LSR: variants seen among roughly 807,000 people sequenced by gnomAD.
The protein encoded by LSR is lipolysis stimulated lipoprotein receptor.
LSR carries 44 observed loss-of-function variants against 61.8 expected under a neutral mutation model. The observed-to-expected ratio is 0.71, with a 90% CI of 0.56 to 0.91. LSR has a LOEUF of 0.91. LSR is among the 40% of genes least tolerant of loss of function. The pLI is 0.00. For synonymous variants in LSR, 397 were observed against 350.6 expected (o/e 1.13, Z -1.48); for missense variants, 911 against 830.5 (o/e 1.10, Z -1.19).
chr19:35,250,542 A>G lies in LSR; in HGVS notation c.337A>G (p.Asn113Asp). 1 of 1,614,110 alleles carries G rather than the reference A, an allele frequency of 6.2e-7. No individual in the cohort carries two copies. Among genetic ancestry groups the G allele is most frequent in the Non-Finnish European group, 8.5e-7 (1 of 1,180,012 alleles). Residue 113 changes from asparagine to aspartate, a missense_variant, in exon 2 of 10, where the codon AAC becomes GAC. Transcript: ENST00000605618. ...GCTGGCAGCCGGGAACCCAGGCTAC[A>G]ACCCCTACGTTGAGTGCCAGGACAG... ...AQLAAGNPGY[N>D]PYVECQDSVR...
chr19:35,267,813 C>T lies in LSR; in HGVS notation c.1771-11C>T. 1 of 1,614,080 alleles carries T rather than the reference C, an allele frequency of 6.2e-7. No individual in the cohort carries two copies. Among genetic ancestry groups the T allele is most frequent in the Non-Finnish European group, 8.5e-7 (1 of 1,179,960 alleles). ...CCGCGGCTCATACCCTTCTTTCTTT[C>T]TCCCTTGCAGAACTTGGCCCTGAGT... On this transcript the variant is annotated splice_polypyrimidine_tract_variant and intron_variant, in intron 9 of 9. Coordinates refer to ENST00000605618, the MANE Select transcript of LSR (RefSeq NM_205834.4).
rs1197302512 is a variant in LSR, at chr19:35,260,922, T to C, written c.575-1003T>C. 2.0e-5 allele frequency among the ~76,000 whole-genome samples: 3 copies of C among 152,152 alleles called. 1 individual carries two copies. The highest frequency in any genetic ancestry group is 2.9e-5 in the Non-Finnish European group (2 of 68,034). On this transcript the variant is annotated intron_variant, in intron 3 of 9. Coordinates refer to ENST00000605618, the MANE Select transcript of LSR (RefSeq NM_205834.4). ...GAGCCTGGGAAACTCTACTGGACAT[T>C]CATGGGAGAACAAGTGAAAAAGGCA...
intron 2 of LSR, among the ~76,000 whole-genome samples, chr19:35,257,216 C>G (rs1186763713): frequency 6.6e-6 from 1 of 152,164 alleles, no homozygotes; most frequent in African/African-American, 2.4e-5. Flanking sequence ...ACAGACAGGG[C>G]TCTGCCTCAC....
intron 2 of LSR, among the ~76,000 whole-genome samples, chr19:35,252,788 G>A (rs377724500): frequency 6.6e-6 from 1 of 152,054 alleles, no homozygotes; most frequent in South Asian, 2.1e-4. Flanking sequence ...CAAGGCAGGA[G>A]GATCACTTGA....
chr19:35,262,948 T>A, intron 5 of LSR: 1 of 470,996 alleles, frequency 2.1e-6, no homozygotes, highest in Non-Finnish European at 3.8e-6. Context: ...TGTCCAACAG[T>A]ACAAGATACT....
chr19:35,255,746 G>A (rs898886043), intron 2 of LSR, among the ~76,000 whole-genome samples: 2 of 152,116 alleles, frequency 1.3e-5, no homozygotes, highest in Non-Finnish European at 2.9e-5. Context: ...CCCACTCCAC[G>A]CCTGGCACTC....
intron 1 of LSR, 128 bp from the exon 2 acceptor site, chr19:35,250,187 G>A: frequency 1.7e-6 from 1 of 588,398 alleles, no homozygotes; most frequent in Non-Finnish European, 2.9e-6. Context: ...GGCAATTAAG[G>A]AACAATGTGT....
At chr19:35,262,324 C>T (rs1029729225) in intron 4 of LSR, among the ~76,000 whole-genome samples, 1 of 152,068 alleles carries the variant, frequency 6.6e-6, no homozygotes, top group African/African-American at 2.4e-5. Flanking sequence ...TTTTTTGCAC[C>T]TGGGGGAGGG....
intron 2 of LSR, among the ~76,000 whole-genome samples, chr19:35,256,216 AG>A (rs2065854094): frequency 6.6e-6 from 1 of 151,652 alleles, no homozygotes; most frequent in South Asian, 2.1e-4. Flanking sequence ...CCTGGGCAAC[AG>A]AGCGAGACTC....
chr19:35,267,601 CTG>C lies in LSR; in HGVS notation c.1640_1641del (p.Val547GlufsTer57), dbSNP rs774853932. On this transcript the variant is annotated frameshift_variant, in exon 9 of 10. Coordinates refer to ENST00000605618, the MANE Select transcript of LSR (RefSeq NM_205834.4). LOFTEE classifies it high-confidence loss of function. ...TATGATGGGCGGCTACTGGAGGAGG[CTG>C]TGAGGAAGAAGGGGTCGGAGGAGAG... The C allele has an allele frequency of 6.2e-7, 1 of 1,612,202 alleles. No individual in the cohort carries two copies. The highest frequency in any genetic ancestry group is 1.1e-5 in the South Asian group (1 of 91,030).
At chr19:35,252,308 C>A (rs943105217) in intron 2 of LSR, among the ~76,000 whole-genome samples, 1 of 152,062 alleles carries the variant, frequency 6.6e-6, no homozygotes. Context: ...AGATGACATT[C>A]TGGTGGAGTG....
At chr19:35,258,023 C>A (rs1389151852) in intron 2 of LSR, among the ~76,000 whole-genome samples, 1 of 152,140 alleles carries the variant, frequency 6.6e-6, no homozygotes, top group East Asian at 1.9e-4. Flanking sequence ...CTCCTGGTAC[C>A]TAGAATCTGG....
chr19:35,263,340 A>G (rs571072491), intron 5 of LSR, among the ~76,000 whole-genome samples: 1 of 152,282 alleles, frequency 6.6e-6, no homozygotes, highest in South Asian at 2.1e-4. Context: ...AAGGTTTACA[A>G]CACTACATGA....
At chr19:35,257,421 T>C (rs777123872) in intron 2 of LSR, among the ~76,000 whole-genome samples, 1 of 152,100 alleles carries the variant, frequency 6.6e-6, no homozygotes, top group Non-Finnish European at 1.5e-5. Context: ...TTGGGGACCA[T>C]GGGACTATGG....
intron 3 of LSR, among the ~76,000 whole-genome samples, chr19:35,261,708 A>G (rs1456699107): frequency 2.0e-5 from 3 of 152,336 alleles, no homozygotes; most frequent in African/African-American, 7.2e-5. Context: ...CCCTCGTGGC[A>G]TAACACAGGT....
rs2065937766 is a variant in LSR, at chr19:35,262,117, G to C, written c.631+136G>C. Reference sequence around the variant, plus strand: ...CCCTCACTAACCTGGCCTGACTGTGGCTCTGAGGCATCTAGTGGTCTGGCG... The same window carrying C: ...CCCTCACTAACCTGGCCTGACTGTGCCTCTGAGGCATCTAGTGGTCTGGCG... On this transcript the variant is annotated intron_variant, in intron 4 of 9. Transcript: ENST00000605618. 3.6e-6 allele frequency: 3 copies of C among 824,240 alleles called. No individual in the cohort carries two copies. In the African/African-American group the frequency reaches 5.4e-5, roughly 15 times the overall value. 51.1% of individuals were successfully genotyped at this position (824,240 alleles called of 1,614,324 possible).
chr19:35,263,685 G>A (rs1232028804), intron 5 of LSR, among the ~76,000 whole-genome samples: 4 of 152,098 alleles, frequency 2.6e-5, no homozygotes, highest in Non-Finnish European at 4.4e-5. Context: ...TTTCTGTAGA[G>A]ACAGGGTCTT....
intron 3 of LSR, among the ~76,000 whole-genome samples, chr19:35,261,691 A>G (rs910924848): frequency 6.6e-6 from 1 of 152,174 alleles, no homozygotes; most frequent in Non-Finnish European, 1.5e-5. Flanking sequence ...TGGGATTTGT[A>G]TTGGAGCCCT....
chr19:35,260,196 C>T (rs2065908808), intron 3 of LSR, among the ~76,000 whole-genome samples: 1 of 152,026 alleles, frequency 6.6e-6, no homozygotes, highest in South Asian at 2.1e-4. Flanking sequence ...CACTCTAAAA[C>T]ATTATCGAGG....
Sources: allele counts gnomAD v4.1 joint callset (sites outside exome capture counted in the v4.1 genomes callset), GRCh38; gene constraint gnomAD v4.1.1; transcripts MANE v1.5; gene names NCBI Gene and HGNC (gene_info 2026-07-23, HGNC 2026-07-21).